INSR: variants seen among roughly 807,000 people sequenced by gnomAD.
INSR encodes insulin receptor.
Under a neutral mutation model 142.6 loss-of-function variants are expected in INSR, and 67 were observed. That is an observed-to-expected ratio of 0.47 (90% CI 0.39 to 0.58). INSR has a LOEUF of 0.58. Ranked by LOEUF, INSR falls within the 20% of genes least tolerant of loss-of-function variation. INSR has a pLI of 0.00. For missense variants in INSR, 1,248 were observed against 1,833.2 expected (o/e 0.68, Z 5.83); for synonymous variants, 756 against 743.1 (o/e 1.02, Z -0.28).
chr19:7,262,209 G>A (rs567699599), intron 2 of INSR, among the ~76,000 whole-genome samples: 3 of 152,220 alleles, frequency 2.0e-5, no homozygotes, highest in East Asian at 1.9e-4. Context: ...GGTAGCTCAC[G>A]CCTGTAATCC....
intron 4 of INSR, among the ~76,000 whole-genome samples, chr19:7,173,687 C>G (rs1974071578): frequency 7.1e-6 from 1 of 141,208 alleles, no homozygotes; most frequent in Non-Finnish European, 1.5e-5. Context: ...TGGCGCGATC[C>G]CAGCTCATTG....
intron 3 of INSR, among the ~76,000 whole-genome samples, chr19:7,181,367 C>T (rs1022037262): frequency 2.0e-5 from 3 of 152,094 alleles, no homozygotes; most frequent in African/African-American, 4.8e-5. Flanking sequence ...AATTTGAGAC[C>T]TCAGCTTAAT....
At chr19:7,152,517 G>T in intron 10 of INSR, 1 of 624,738 alleles carries the variant, frequency 1.6e-6, no homozygotes, top group Non-Finnish European at 2.9e-6. Flanking sequence ...TTCCCCTTTT[G>T]TGCGATTATT....
chr19:7,119,739 C>CA lies in INSR; in HGVS notation c.3660-157dup, dbSNP rs1972434759. Reference sequence around the variant, plus strand: ...ACACATGCAAACACACACGCACATACACGTGCACACACATGCAAATACACA... The same window carrying CA: ...ACACATGCAAACACACACGCACATACAACGTGCACACACATGCAAATACACA... On this transcript the variant is annotated intron_variant, in intron 20 of 21. Transcript: ENST00000302850. This position sits in a 1 kb window ranked among gnomAD's most constrained non-coding sequence, Gnocchi z 5.2. 1.3e-5 allele frequency among the ~76,000 whole-genome samples: 2 copies of CA among 150,964 alleles called. No individual in the cohort carries two copies. Among genetic ancestry groups the CA allele is most frequent in the African/African-American group, 4.9e-5 (2 of 40,912 alleles).
intron 9 of INSR, among the ~76,000 whole-genome samples, chr19:7,161,966 T>G (rs903280123): frequency 6.6e-6 from 1 of 152,040 alleles, no homozygotes; most frequent in African/African-American, 2.4e-5. Context: ...GTGAATTGCT[T>G]GAAGCCAGGA....
chr19:7,145,412 C>G lies in INSR; in HGVS notation c.2268-2322G>C, dbSNP rs1298160610. On this transcript the variant is annotated intron_variant, in intron 11 of 21. Coordinates refer to ENST00000302850, the MANE Select transcript of INSR (RefSeq NM_000208.4). ...CCCTTATTTTATATTCTAATTATTG[C>G]TTGTGTATCTACAGTCTTTTTGCTT... Among the ~76,000 whole-genome samples the G allele has an allele frequency of 2.0e-5, 3 of 151,992 alleles. No homozygotes were observed. The East Asian group carries it at 5.8e-4, about 29-fold the overall frequency.
intron 2 of INSR, among the ~76,000 whole-genome samples, chr19:7,250,649 A>G (rs914912112): frequency 5.3e-5 from 8 of 151,788 alleles, no homozygotes; most frequent in Non-Finnish European, 1.2e-4. Flanking sequence ...AGTTCGGGCA[A>G]CCGTGTTTAA....
At chr19:7,160,891 G>A (rs1973730689) in intron 9 of INSR, among the ~76,000 whole-genome samples, 1 of 151,090 alleles carries the variant, frequency 6.6e-6, no homozygotes. Context: ...AGCTATTCAG[G>A]AGGCTAAGGC....
At chr19:7,128,065 A>C (rs750997671) in intron 15 of INSR, among the ~76,000 whole-genome samples, 1 of 151,904 alleles carries the variant, frequency 6.6e-6, no homozygotes, top group Non-Finnish European at 1.5e-5. Context: ...AATCATGTAG[A>C]TTAAACTTAA....
In INSR at chr19:7,116,514, G is replaced by GA. The variant is rs886054678; in HGVS notation, c.*541dup. On this transcript the variant is annotated 3_prime_UTR_variant, in exon 22 of 22. Transcript: ENST00000302850. ...CAATTTGAGGAACTCATTTTGTAAA[G>GA]AAAAAAAAAATCCTTCAGCCTGGAT... The GA allele has an allele frequency of 6.0e-3, 709 of 118,130 alleles. 11 individuals are homozygous for GA. The highest frequency in any genetic ancestry group is 0.02 in the African/African-American group (643 of 32,410). 7.3% of individuals were successfully genotyped at this position (118,130 alleles called of 1,614,324 possible).
intron 20 of INSR, among the ~76,000 whole-genome samples, chr19:7,120,376 C>T (rs1433015113): frequency 1.3e-5 from 2 of 152,252 alleles, no homozygotes; most frequent in Non-Finnish European, 2.9e-5. Flanking sequence ...CACACGTCCT[C>T]AACCTTGGCA....
In INSR at chr19:7,238,892, T is replaced by G. The variant is rs140778659; in HGVS notation, c.652+28453A>C. 4.5e-3 allele frequency among the ~76,000 whole-genome samples: 679 copies of G among 149,304 alleles called. 8 individuals are homozygous for G. The highest frequency in any genetic ancestry group is 0.016 in the African/African-American group (651 of 40,552). On this transcript the variant is annotated intron_variant, in intron 2 of 21. Transcript: ENST00000302850. ...ACAAACAGATATTTGTAGACCCGTG[T>G]TTTTCCCAGCGTTAGTTACAATGGC...
At chr19:7,245,561 G>C (rs916363526) in intron 2 of INSR, among the ~76,000 whole-genome samples, 3 of 152,052 alleles carry the variant, frequency 2.0e-5, no homozygotes, top group Non-Finnish European at 4.4e-5. Flanking sequence ...CAACTCTCCT[G>C]TCTCAGGTTC....
rs180847883 is a variant in INSR at position 7,126,947 on chromosome 19, G to A, written c.2946-296C>T. 2.1e-4 allele frequency among the ~76,000 whole-genome samples: 32 copies of A among 152,128 alleles called. No individual in the cohort carries two copies. In the East Asian group the frequency reaches 4.8e-3, roughly 23 times the overall value. On this transcript the variant is annotated intron_variant, in intron 15 of 21. Coordinates refer to ENST00000302850, the MANE Select transcript of INSR (RefSeq NM_000208.4). ...GTTGCAGTCTTGCTCTGTTGTGGCT[G>A]GAGGGCAGTGGTATAATCATAGCTC...
At chr19:7,193,545 G>A (rs1309504528) in intron 2 of INSR, among the ~76,000 whole-genome samples, 3 of 151,628 alleles carry the variant, frequency 2.0e-5, no homozygotes, top group Admixed American at 6.6e-5. Context: ...GGGGCAGGAG[G>A]GGGGAGGACA....
At chr19:7,238,029 A>G (rs991878987) in intron 2 of INSR, among the ~76,000 whole-genome samples, 1 of 152,132 alleles carries the variant, frequency 6.6e-6, no homozygotes, top group African/African-American at 2.4e-5. Context: ...GCATGTTTTT[A>G]TACTCATTCA....
chr19:7,252,806 A>G (rs1288553385), intron 2 of INSR, among the ~76,000 whole-genome samples: 1 of 152,134 alleles, frequency 6.6e-6, no homozygotes, highest in Non-Finnish European at 1.5e-5. Flanking sequence ...AACGAGAGGC[A>G]AAGAAACTTC....
At chr19:7,256,565 G>A (rs985140640) in intron 2 of INSR, among the ~76,000 whole-genome samples, 5 of 152,036 alleles carry the variant, frequency 3.3e-5, no homozygotes, top group African/African-American at 9.7e-5. Context: ...AGCAGTTCAA[G>A]ACCAGCCTGG....
intron 2 of INSR, among the ~76,000 whole-genome samples, chr19:7,210,625 C>A (rs1975246909): frequency 6.6e-6 from 1 of 152,056 alleles, no homozygotes; most frequent in Non-Finnish European, 1.5e-5. Flanking sequence ...CAGGGTGACA[C>A]AAGCAAGGCA....
Sources: allele counts gnomAD v4.1 joint callset (sites outside exome capture counted in the v4.1 genomes callset), GRCh38; gene constraint gnomAD v4.1.1; non-coding constraint Gnocchi (gnomAD v3.1); transcripts MANE v1.5; gene names NCBI Gene and HGNC (gene_info 2026-07-23, HGNC 2026-07-21).